The following PTPRD variants were observed in gnomAD, a reference collection of about 807,000 sequenced individuals.
The protein encoded by PTPRD is protein tyrosine phosphatase receptor type D.
Under a neutral mutation model 214.5 loss-of-function variants are expected in PTPRD, and 34 were observed. The observed-to-expected ratio is 0.16, with a 90% CI of 0.12 to 0.21. PTPRD has a LOEUF of 0.21. Ranked by LOEUF, PTPRD falls within the 10% of genes least tolerant of loss-of-function variation. The pLI, the probability that PTPRD is intolerant of heterozygous loss-of-function variation, is 1.00. For missense variants in PTPRD, 2,545 were observed against 2,398.7 expected, an observed-to-expected ratio of 1.06 and a Z score of -1.27; for synonymous variants, 1,128 against 845.7, an observed-to-expected ratio of 1.33 and a Z score of -5.79.
chr9:8,324,086 C>G (rs1233393173), intron 44 of PTPRD, among the ~76,000 whole-genome samples: 1 of 150,962 alleles, frequency 6.6e-6, no homozygotes, highest in Admixed American at 6.6e-5. Context: ...ACCGGAGGCT[C>G]AGATGATGAT....
intron 5 of PTPRD, among the ~76,000 whole-genome samples, chr9:9,877,667 G>A (rs897226901): frequency 1.3e-5 from 2 of 152,042 alleles, no homozygotes; most frequent in African/African-American, 4.8e-5. Flanking sequence ...TTTTGATTAA[G>A]TGTACAAACT....
At chr9:8,586,876 C>T (rs953374660) in intron 14 of PTPRD, among the ~76,000 whole-genome samples, 4 of 152,100 alleles carry the variant, frequency 2.6e-5, no homozygotes, top group Admixed American at 6.5e-5. Flanking sequence ...GGCTGGGCGC[C>T]GTGGCTCAGG....
chr9:8,509,474 T>A (rs569623436), intron 21 of PTPRD, among the ~76,000 whole-genome samples: 1 of 152,274 alleles, frequency 6.6e-6, no homozygotes, highest in East Asian at 1.9e-4. Context: ...ACAAGAAAGT[T>A]TGTGTTAACT....
At chr9:8,459,321 T>C (rs1306499251) in intron 33 of PTPRD, among the ~76,000 whole-genome samples, 1 of 151,998 alleles carries the variant, frequency 6.6e-6, no homozygotes, top group Non-Finnish European at 1.5e-5. Context: ...TATCTTGTAG[T>C]AGAAGGATGA....
intron 3 of PTPRD, among the ~76,000 whole-genome samples, chr9:10,287,321 C>A (rs2095390183): frequency 6.6e-6 from 1 of 152,132 alleles, no homozygotes; most frequent in Non-Finnish European, 1.5e-5. Flanking sequence ...TAGGGCCAAA[C>A]CGGCTTAAAA....
chr9:9,248,608 C>G (rs1209666283), intron 9 of PTPRD, among the ~76,000 whole-genome samples: 2 of 151,784 alleles, frequency 1.3e-5, no homozygotes, highest in African/African-American at 2.4e-5. Flanking sequence ...CTGTGTATAC[C>G]TGGTGTTCTG....
At chr9:9,999,201 T>C (rs1353842790) in intron 4 of PTPRD, among the ~76,000 whole-genome samples, 2 of 152,188 alleles carry the variant, frequency 1.3e-5, no homozygotes, top group Non-Finnish European at 2.9e-5. Flanking sequence ...GGCCCGACAC[T>C]GTTCTTTTGA....
intron 44 of PTPRD, among the ~76,000 whole-genome samples, 166 bp downstream of exon 44, chr9:8,331,406 ATTATTTTCAC>A (rs150210004): frequency 0.46 from 67,372 of 147,894 alleles, 17,021 homozygotes; most frequent in African/African-American, 0.74. Context: ...TTTTCCTCTG[ATTATTTTCAC>A]TTATTTTCAC....
intron 10 of PTPRD, among the ~76,000 whole-genome samples, chr9:9,079,090 A>G (rs1372075347): frequency 6.6e-6 from 1 of 152,010 alleles, no homozygotes; most frequent in Non-Finnish European, 1.5e-5. Flanking sequence ...TAGTTATTTG[A>G]AACTATATAT....
chr9:9,528,224 T>C (rs1223239461), intron 8 of PTPRD, among the ~76,000 whole-genome samples: 2 of 152,166 alleles, frequency 1.3e-5, no homozygotes, highest in African/African-American at 2.4e-5. Context: ...CAATTGTCTG[T>C]GTATTCATGA....
chr9:9,454,422 T>C (rs1429985246), intron 8 of PTPRD, among the ~76,000 whole-genome samples: 1 of 151,732 alleles, frequency 6.6e-6, no homozygotes, highest in Non-Finnish European at 1.5e-5. Context: ...ATGGCTATGG[T>C]TCTGATTATT....
intron 5 of PTPRD, among the ~76,000 whole-genome samples, chr9:9,872,877 G>C (rs2065863237): frequency 6.6e-6 from 1 of 152,046 alleles, no homozygotes; most frequent in Non-Finnish European, 1.5e-5. Flanking sequence ...GTAGAAGACA[G>C]CCTATATTCA....
At chr9:9,940,346 G>A (rs16930640) in intron 4 of PTPRD, among the ~76,000 whole-genome samples, 54,549 of 151,974 alleles carry the variant, frequency 0.36, 10,461 homozygotes, top group East Asian at 0.74. Context: ...AAACCTCACT[G>A]GAAGCCTGAG....
chr9:10,121,871 C>T (rs370347899), intron 3 of PTPRD, among the ~76,000 whole-genome samples: 2 of 152,272 alleles, frequency 1.3e-5, no homozygotes, highest in African/African-American at 4.8e-5. Flanking sequence ...ACTGTTACCT[C>T]CCAAAGAATC....
chr9:9,591,425 G>C (rs550939424), intron 7 of PTPRD, among the ~76,000 whole-genome samples: 1 of 152,094 alleles, frequency 6.6e-6, no homozygotes, highest in South Asian at 2.1e-4. Context: ...AGCCTCCAGG[G>C]AGGAACACAA....
chr9:9,722,933 T>C (rs1332543201), intron 7 of PTPRD, among the ~76,000 whole-genome samples: 1 of 152,096 alleles, frequency 6.6e-6, no homozygotes, highest in Non-Finnish European at 1.5e-5. Context: ...ATATTTTAGA[T>C]GCTAATGTCT....
chr9:9,916,466 A>AG (rs2080840756), intron 5 of PTPRD, among the ~76,000 whole-genome samples: 2 of 152,120 alleles, frequency 1.3e-5, no homozygotes, highest in South Asian at 4.1e-4. Context: ...ATGTAAATAA[A>AG]CTAAATCCCC....
intron 12 of PTPRD, among the ~76,000 whole-genome samples, chr9:8,698,849 C>T (rs1274194088): frequency 6.6e-6 from 1 of 152,128 alleles, no homozygotes; most frequent in African/African-American, 2.4e-5. Flanking sequence ...CTGTTCTTAA[C>T]ATGCCCAATA....
intron 9 of PTPRD, among the ~76,000 whole-genome samples, chr9:9,197,954 C>A: frequency 6.6e-6 from 1 of 152,276 alleles, no homozygotes; most frequent in East Asian, 1.9e-4. Flanking sequence ...AGCTTTTTGA[C>A]ACTGGAGTCT....
Sources: allele counts gnomAD v4.1 joint callset (sites outside exome capture counted in the v4.1 genomes callset), GRCh38; gene constraint gnomAD v4.1.1; transcripts MANE v1.5; gene names NCBI Gene and HGNC (gene_info 2026-07-23, HGNC 2026-07-21).